Variants in SDCCAG8 observed in about 807,000 individuals in gnomAD.
SDCCAG8 encodes the protein SHH signaling and ciliogenesis regulator SDCCAG8.
In SDCCAG8, 74 loss-of-function variants were observed where a neutral mutation model predicts 101.8. The observed-to-expected ratio is 0.73, with a 90% CI of 0.60 to 0.88. The LOEUF (loss-of-function observed/expected upper bound fraction) is 0.88. Among genes scored for constraint, SDCCAG8 ranks in the 40% least tolerant of loss-of-function variants. The probability of loss-of-function intolerance (pLI) is 0.00; values close to 1 mark genes in which losing one functional copy is unlikely to be tolerated. For synonymous variants in SDCCAG8, 281 were observed against 292.9 expected, an observed-to-expected ratio of 0.96 and a Z score of 0.41; for missense variants, 787 against 822.6, an observed-to-expected ratio of 0.96 and a Z score of 0.53.
chr1:243,459,369 G>T (rs566318861), intron 16 of SDCCAG8, among the ~76,000 whole-genome samples: 7 of 152,292 alleles, frequency 4.6e-5, no homozygotes, highest in Non-Finnish European at 8.8e-5. Context: ...CTAAAGAGAA[G>T]ATGGTCCTGT....
At chr1:243,273,205 A>G (rs2068237689) in intron 3 of SDCCAG8, among the ~76,000 whole-genome samples, 1 of 152,154 alleles carries the variant, frequency 6.6e-6, no homozygotes, top group Non-Finnish European at 1.5e-5. Context: ...ATTTTATTTT[A>G]TTCTGCCATG....
At position 243,379,392 on chromosome 1, in the gene SDCCAG8, A is replaced by G. The variant is rs185824905; in HGVS notation, c.1616+529A>G. ...AAATCATTATTATAACCAGGCTTAC[A>G]CCATTGAGGTTTCAAATTACTTCAT... On this transcript the variant is annotated intron_variant, in intron 13 of 17. Coordinates refer to ENST00000366541, the MANE Select transcript of SDCCAG8 (RefSeq NM_006642.5). Among the ~76,000 whole-genome samples the G allele has an allele frequency of 1.6e-3, 247 of 152,320 alleles. 1 individual carries two copies. Among genetic ancestry groups the G allele is most frequent in the Admixed American group, 3.3e-3 (51 of 15,294 alleles).
At chr1:243,406,473 A>G (rs1040634497) in intron 13 of SDCCAG8, among the ~76,000 whole-genome samples, 2 of 152,172 alleles carry the variant, frequency 1.3e-5, no homozygotes, top group Non-Finnish European at 2.9e-5. Context: ...TAAAGAAACC[A>G]TTACAGAAAT....
chr1:243,436,559 G>A (rs933971529), intron 16 of SDCCAG8, among the ~76,000 whole-genome samples: 41 of 152,150 alleles, frequency 2.7e-4, no homozygotes, highest in African/African-American at 8.9e-4. Flanking sequence ...CATCTGAGAG[G>A]AACACTCTTT....
intron 16 of SDCCAG8, among the ~76,000 whole-genome samples, chr1:243,473,211 A>C (rs1389891023): frequency 6.6e-6 from 1 of 152,214 alleles, no homozygotes; most frequent in Admixed American, 6.5e-5. Context: ...TGTCAGTCTT[A>C]GAATTTCTTG....
intron 13 of SDCCAG8, among the ~76,000 whole-genome samples, chr1:243,407,256 G>T (rs905827363): frequency 6.6e-6 from 1 of 152,198 alleles, no homozygotes; most frequent in African/African-American, 2.4e-5. Flanking sequence ...TGGACTTGGA[G>T]TGAGAAGACA....
intron 13 of SDCCAG8, among the ~76,000 whole-genome samples, chr1:243,408,071 A>C (rs1012896580): frequency 1.3e-5 from 2 of 152,200 alleles, no homozygotes; most frequent in Non-Finnish European, 2.9e-5. Flanking sequence ...AATAATAATA[A>C]ATTCTTGCAA....
At chr1:243,284,394 C>G (rs2069380002) in intron 4 of SDCCAG8, among the ~76,000 whole-genome samples, 1 of 152,148 alleles carries the variant, frequency 6.6e-6, no homozygotes, top group African/African-American at 2.4e-5. Flanking sequence ...GCAGTTCTTT[C>G]TGTTGAATTT....
At chr1:243,435,408 C>T (rs1002273400) in intron 16 of SDCCAG8, among the ~76,000 whole-genome samples, 4 of 152,192 alleles carry the variant, frequency 2.6e-5, no homozygotes, top group African/African-American at 7.2e-5. Flanking sequence ...CCTGGCACAA[C>T]GTTAGTGCTT....
intron 8 of SDCCAG8, among the ~76,000 whole-genome samples, chr1:243,316,297 A>G (rs1045823436): frequency 5.9e-5 from 9 of 152,244 alleles, no homozygotes; most frequent in African/African-American, 2.2e-4. Context: ...TTGTGGAGAA[A>G]GATAAAAAGG....
intron 16 of SDCCAG8, among the ~76,000 whole-genome samples, chr1:243,431,626 G>A (rs2148058987): frequency 6.6e-6 from 1 of 152,248 alleles, no homozygotes; most frequent in Middle Eastern, 3.4e-3. Flanking sequence ...GCAGTCCAGG[G>A]AATTCATGTT....
chr1:243,424,703 AG>A (rs2081228910), intron 15 of SDCCAG8, among the ~76,000 whole-genome samples: 1 of 152,170 alleles, frequency 6.6e-6, no homozygotes, highest in African/African-American at 2.4e-5. Context: ...TTGCAAAGAA[AG>A]GTTGTTTCTA....
chr1:243,399,762 G>A lies in SDCCAG8; in HGVS notation c.1617-15940G>A, dbSNP rs146231393. Reference sequence around the variant, plus strand: ...CTAGGCTCAAGCGATCACCTGCCTCGGCCTCCCAAAGTGCTGGGATTGCAG... The same window carrying A: ...CTAGGCTCAAGCGATCACCTGCCTCAGCCTCCCAAAGTGCTGGGATTGCAG... On this transcript the variant is annotated intron_variant, in intron 13 of 17. Transcript: ENST00000366541. Among the ~76,000 whole-genome samples, 724 of 152,082 alleles carry A rather than the reference G, an allele frequency of 4.8e-3. 8 individuals are homozygous for A. Among genetic ancestry groups the A allele is most frequent in the African/African-American group, 0.015 (629 of 41,504 alleles).
chr1:243,296,755 G>T (rs1031734910), intron 6 of SDCCAG8, among the ~76,000 whole-genome samples: 1 of 150,548 alleles, frequency 6.6e-6, no homozygotes. Flanking sequence ...CCGTGGTCTC[G>T]ATCTCCTGAC....
At chr1:243,426,231 CT>C (rs1377883578) in intron 15 of SDCCAG8, among the ~76,000 whole-genome samples, 195 bp from the exon 16 acceptor site, 3 of 152,068 alleles carry the variant, frequency 2.0e-5, no homozygotes, top group Non-Finnish European at 1.5e-5. Context: ...GTTGTTATTC[CT>C]TTTTCTGTCT....
chr1:243,426,996 T>G (rs1343545353), intron 16 of SDCCAG8, among the ~76,000 whole-genome samples: 1 of 152,226 alleles, frequency 6.6e-6, no homozygotes, highest in Non-Finnish European at 1.5e-5. Flanking sequence ...AGAACTTGAC[T>G]ACAAACAAAA....
At position 243,264,070 on chromosome 1, in the gene SDCCAG8, A is replaced by G. The variant is rs200678155; in HGVS notation, c.68-6035A>G. ...GGCCTCGGGAGGAATGGTTCATTGCATATTCTCTCAGAGACAGCTGGGCGC... is the reference window on the plus strand; with the variant it reads ...GGCCTCGGGAGGAATGGTTCATTGCGTATTCTCTCAGAGACAGCTGGGCGC... On this transcript the variant is annotated intron_variant, in intron 1 of 17. Coordinates refer to ENST00000366541, the MANE Select transcript of SDCCAG8 (RefSeq NM_006642.5). Among the ~76,000 whole-genome samples, 4 of 152,322 alleles carry G rather than the reference A, an allele frequency of 2.6e-5. No homozygotes were observed. In the East Asian group the frequency reaches 7.7e-4, roughly 29 times the overall value.
At chr1:243,283,963 C>T (rs1007726738) in intron 4 of SDCCAG8, among the ~76,000 whole-genome samples, 6 of 152,082 alleles carry the variant, frequency 3.9e-5, no homozygotes, top group African/African-American at 9.7e-5. Flanking sequence ...AGGCTGGTCT[C>T]GAACTCCTGA....
intron 1 of SDCCAG8, among the ~76,000 whole-genome samples, chr1:243,268,523 T>C (rs1022512209): frequency 6.6e-6 from 1 of 152,216 alleles, no homozygotes; most frequent in Non-Finnish European, 1.5e-5. Flanking sequence ...AGGATTGGTA[T>C]GGAGAAAAAT....
Sources: gnomAD v4.1 joint callset for allele counts (sites outside exome capture counted in the v4.1 genomes callset) on GRCh38, gnomAD v4.1.1 for gene constraint, MANE v1.5 for transcripts, NCBI Gene and HGNC (gene_info 2026-07-23, HGNC 2026-07-21) for gene names.